BLTP3B: variants seen among roughly 807,000 people sequenced by gnomAD.
BLTP3B encodes UHRF1 (ICBP90) binding protein 1-like.
At chr12:100,046,460 G>A in the BLTP3B span, among the ~76,000 whole-genome samples, 1 of 151,876 alleles carries the variant, frequency 6.6e-6, no homozygotes, top group African/African-American at 2.4e-5. Flanking sequence ...ATCATTCTGA[G>A]CAAACTACCG....
the BLTP3B span, chr12:100,142,642 G>T: frequency 1.9e-6 from 3 of 1,607,554 alleles, no homozygotes; most frequent in Non-Finnish European, 2.5e-6. Context: ...CCATGGTACC[G>T]AGGCTGGAGA....
chr12:100,042,669 G>A, the BLTP3B span, among the ~76,000 whole-genome samples: 1 of 152,312 alleles, frequency 6.6e-6, no homozygotes, highest in South Asian at 2.1e-4. Context: ...GTTGTCTTAA[G>A]AAATTGCCAT....
the BLTP3B span, chr12:100,059,421 C>T: frequency 3.3e-5 from 53 of 1,613,862 alleles, no homozygotes; most frequent in Admixed American, 1.2e-4. Flanking sequence ...GTCAGAATGT[C>T]GACAGTTTGG....
chr12:100,053,198 A>G, the BLTP3B span, among the ~76,000 whole-genome samples: 2 of 151,834 alleles, frequency 1.3e-5, no homozygotes, highest in Non-Finnish European at 2.9e-5. Context: ...TGAGGTCAGG[A>G]GTTCGAGACC....
At chr12:100,062,012 C>G in the BLTP3B span, among the ~76,000 whole-genome samples, 1 of 152,148 alleles carries the variant, frequency 6.6e-6, no homozygotes, top group Non-Finnish European at 1.5e-5. Context: ...CATTATGACT[C>G]ATATTCTTAT....
chr12:100,076,133 A>G, the BLTP3B span, among the ~76,000 whole-genome samples: 1 of 151,684 alleles, frequency 6.6e-6, no homozygotes, highest in Non-Finnish European at 1.5e-5. Flanking sequence ...AAAAAAAACT[A>G]TTAGTTTTAA....
chr12:100,131,792 C>T, the BLTP3B span, among the ~76,000 whole-genome samples: 3 of 152,000 alleles, frequency 2.0e-5, no homozygotes, highest in Non-Finnish European at 4.4e-5. Flanking sequence ...CTAATACCCA[C>T]TGTTTTGTTT....
At chr12:100,095,387 C>T in the BLTP3B span, among the ~76,000 whole-genome samples, 1 of 152,168 alleles carries the variant, frequency 6.6e-6, no homozygotes, top group Non-Finnish European at 1.5e-5. Context: ...AGTTTTAAAA[C>T]TGTACTCTTT....
chr12:100,044,459 T>G, the BLTP3B span, among the ~76,000 whole-genome samples: 1 of 152,182 alleles, frequency 6.6e-6, no homozygotes, highest in Non-Finnish European at 1.5e-5. Flanking sequence ...AACTGGCTAC[T>G]AAAATAGTGA....
chr12:100,109,641 C>A, the BLTP3B span, among the ~76,000 whole-genome samples: 1 of 151,992 alleles, frequency 6.6e-6, no homozygotes, highest in South Asian at 2.1e-4. Flanking sequence ...TGGCGCATGC[C>A]TGTAGTCCCA....
At chr12:100,045,889 TCAAA>T in the BLTP3B span, among the ~76,000 whole-genome samples, 1 of 151,656 alleles carries the variant, frequency 6.6e-6, no homozygotes, top group African/African-American at 2.4e-5. Flanking sequence ...CAAGAAAAAA[TCAAA>T]CAACCCCATT....
chr12:100,137,376 C>A, the BLTP3B span, among the ~76,000 whole-genome samples: 3 of 152,196 alleles, frequency 2.0e-5, no homozygotes, highest in Non-Finnish European at 4.4e-5. Context: ...TAATCCCTCT[C>A]ATCACTTTGC....
the BLTP3B span, among the ~76,000 whole-genome samples, chr12:100,113,251 G>A: frequency 2.0e-5 from 3 of 151,528 alleles, no homozygotes; most frequent in Admixed American, 2.0e-4. Context: ...TGAGGTGGCT[G>A]GATCACCTGA....
At chr12:100,074,976 GT>G in the BLTP3B span, among the ~76,000 whole-genome samples, 4 of 151,184 alleles carry the variant, frequency 2.6e-5, no homozygotes, top group Non-Finnish European at 5.9e-5. Flanking sequence ...TGACTGGCTA[GT>G]CATATTTAGA....
chr12:100,096,812 C>T, the BLTP3B span, among the ~76,000 whole-genome samples: 1 of 151,848 alleles, frequency 6.6e-6, no homozygotes, highest in African/African-American at 2.4e-5. Context: ...CAGAGCAAGA[C>T]CCCAACTCCA....
At chr12:100,053,347 G>A in the BLTP3B span, among the ~76,000 whole-genome samples, 1 of 152,122 alleles carries the variant, frequency 6.6e-6, no homozygotes, top group South Asian at 2.1e-4. Context: ...GGCGGAGGTT[G>A]CAGTGAGCTG....
At chr12:100,071,114 A>G in the BLTP3B span, among the ~76,000 whole-genome samples, 1 of 152,154 alleles carries the variant, frequency 6.6e-6, no homozygotes, top group African/African-American at 2.4e-5. Flanking sequence ...TGATAACAAA[A>G]CCTATTTCAT....
the BLTP3B span, chr12:100,108,360 T>A: frequency 6.3e-7 from 1 of 1,594,480 alleles, no homozygotes; most frequent in African/African-American, 1.3e-5. Context: ...TCCACAAATA[T>A]CAAGCCACAG....
At chr12:100,063,167 T>C in the BLTP3B span, among the ~76,000 whole-genome samples, 2 of 151,928 alleles carry the variant, frequency 1.3e-5, no homozygotes, top group Non-Finnish European at 2.9e-5. Flanking sequence ...CAGGAATAAA[T>C]CAGGAAAACT....
Sources: allele counts gnomAD v4.1 joint callset (sites outside exome capture counted in the v4.1 genomes callset), GRCh38; gene constraint gnomAD v4.1.1; transcripts MANE v1.5; gene names NCBI Gene and HGNC (gene_info 2026-07-23, HGNC 2026-07-21).